SRGAP1: variants seen among roughly 807,000 people sequenced by gnomAD.
The protein encoded by SRGAP1 is SLIT-ROBO Rho GTPase-activating protein 1.
In SRGAP1, 43 loss-of-function variants were observed where a neutral mutation model predicts 121.9. The observed-to-expected ratio is 0.35, with a 90% CI of 0.28 to 0.46. SRGAP1 has a LOEUF of 0.46. SRGAP1 is among the 20% of genes least tolerant of loss of function. The probability of loss-of-function intolerance (pLI) is 1.00; values close to 1 mark genes in which losing one functional copy is unlikely to be tolerated. For missense variants in SRGAP1, 1,102 were observed against 1,350.9 expected (o/e 0.82, Z 2.89); for synonymous variants, 447 against 485.4 (o/e 0.92, Z 1.04).
intron 1 of SRGAP1, among the ~76,000 whole-genome samples, chr12:63,868,133 G>A (rs1218520239): frequency 7.5e-6 from 1 of 132,836 alleles, no homozygotes; most frequent in Non-Finnish European, 1.5e-5. Context: ...TCAGGCTGGA[G>A]TGCACTGGCA....
At chr12:63,945,271 T>G (rs570356124) in intron 1 of SRGAP1, among the ~76,000 whole-genome samples, 15 of 152,174 alleles carry the variant, frequency 9.9e-5, no homozygotes, top group South Asian at 6.2e-4. Context: ...CTGTTTGTTT[T>G]TTTTTTTTAA....
chr12:63,906,449 G>C (rs2030213689), intron 1 of SRGAP1, among the ~76,000 whole-genome samples: 1 of 151,964 alleles, frequency 6.6e-6, no homozygotes, highest in South Asian at 2.1e-4. Context: ...CGAGTAGCTG[G>C]GACTACAGGC....
intron 1 of SRGAP1, among the ~76,000 whole-genome samples, chr12:63,883,178 G>GT (rs1323459729): frequency 1.3e-5 from 2 of 152,186 alleles, no homozygotes; most frequent in Non-Finnish European, 2.9e-5. Context: ...AGTTTTCAAA[G>GT]TATCATGAAA....
chr12:63,886,762 C>T (rs751048907), intron 1 of SRGAP1, among the ~76,000 whole-genome samples: 1 of 151,222 alleles, frequency 6.6e-6, no homozygotes. Flanking sequence ...TGAGACACCA[C>T]GTCTGGCCAA....
intron 17 of SRGAP1, among the ~76,000 whole-genome samples, chr12:64,113,529 A>T (rs2036467859): frequency 6.6e-6 from 1 of 152,240 alleles, no homozygotes; most frequent in Admixed American, 6.5e-5. Flanking sequence ...GTATGAAGAA[A>T]AAATAATTGT....
At chr12:63,979,931 A>G (rs1232550366) in intron 1 of SRGAP1, among the ~76,000 whole-genome samples, 1 of 152,162 alleles carries the variant, frequency 6.6e-6, no homozygotes, top group Non-Finnish European at 1.5e-5. Context: ...CGCTTTCACC[A>G]CTTCCAGCTT....
intron 15 of SRGAP1, among the ~76,000 whole-genome samples, chr12:64,107,198 A>C (rs140170095): frequency 4.4e-4 from 67 of 152,302 alleles, no homozygotes; most frequent in African/African-American, 1.6e-3. Context: ...CAAAAGGGAA[A>C]ATAGAATGCC....
chr12:63,951,152 C>CTTTTT lies in SRGAP1; in HGVS notation c.68-32770_68-32766dup, dbSNP rs58637983. On this transcript the variant is annotated intron_variant, in intron 1 of 21. Coordinates refer to ENST00000355086, the MANE Select transcript of SRGAP1 (RefSeq NM_020762.4). ...GGGCTGGTCCATGCCATTTAGAACT[C>CTTTTT]TTTTTTTTTTTTTTTTTTTTTTTTT... 1.4e-3 allele frequency among the ~76,000 whole-genome samples: 63 copies of CTTTTT among 44,188 alleles called. 14 individuals carry two copies. Among genetic ancestry groups the CTTTTT allele is most frequent in the East Asian group, 6.9e-3 (7 of 1,020 alleles). The allele number at this position is 44,188 out of a possible 152,430, so 29.0% of individuals were successfully genotyped here. A position where few individuals can be genotyped will look rare whatever the true frequency, so the allele number is the denominator to read the frequency against.
chr12:64,142,000 A>C (rs10747998), intron 21 of SRGAP1, among the ~76,000 whole-genome samples: 63,905 of 151,806 alleles, frequency 0.42, 14,637 homozygotes, highest in East Asian at 0.64. Flanking sequence ...AAAGAAAAAA[A>C]TTTTTTTTTA....
At chr12:63,921,828 GC>G (rs981743773) in intron 1 of SRGAP1, among the ~76,000 whole-genome samples, 3 of 152,088 alleles carry the variant, frequency 2.0e-5, no homozygotes, top group African/African-American at 7.2e-5. Flanking sequence ...GATTTTATAG[GC>G]CTTTCTAAGA....
chr12:64,019,365 G>T (rs1032140150), intron 4 of SRGAP1, among the ~76,000 whole-genome samples: 1 of 152,146 alleles, frequency 6.6e-6, no homozygotes, highest in Non-Finnish European at 1.5e-5. Flanking sequence ...ACCAGGGTTG[G>T]AGTGACCCTA....
At chr12:63,848,221 G>C (rs557878924) in intron 1 of SRGAP1, among the ~76,000 whole-genome samples, 4 of 151,978 alleles carry the variant, frequency 2.6e-5, no homozygotes, top group Non-Finnish European at 5.9e-5. Context: ...GGCCAGGCTG[G>C]TCTCGAACTC....
At chr12:63,881,563 A>C (rs184703373) in intron 1 of SRGAP1, among the ~76,000 whole-genome samples, 29 of 152,286 alleles carry the variant, frequency 1.9e-4, no homozygotes, top group African/African-American at 6.5e-4. Context: ...CTTATCTGTA[A>C]AATGGAAGTA....
intron 4 of SRGAP1, among the ~76,000 whole-genome samples, chr12:64,027,711 A>G (rs756942625): frequency 7.3e-4 from 111 of 152,306 alleles, no homozygotes; most frequent in African/African-American, 2.5e-3. Context: ...GCAGTTTGCA[A>G]ACTCAAAAAG....
chr12:64,071,910 GT>G (rs1473084647), intron 8 of SRGAP1, among the ~76,000 whole-genome samples: 1 of 151,250 alleles, frequency 6.6e-6, no homozygotes, highest in South Asian at 2.1e-4. Flanking sequence ...AGCAAACATT[GT>G]TTTTTTCAAA....
At chr12:64,075,452 G>T (rs924097373) in intron 8 of SRGAP1, among the ~76,000 whole-genome samples, 2 of 152,206 alleles carry the variant, frequency 1.3e-5, no homozygotes, top group East Asian at 1.9e-4. Context: ...TCACAGTGCT[G>T]CAGGGATTTT....
chr12:63,906,958 A>C (rs1457067309), intron 1 of SRGAP1, among the ~76,000 whole-genome samples: 1 of 151,374 alleles, frequency 6.6e-6, no homozygotes, highest in Non-Finnish European at 1.5e-5. Flanking sequence ...TCTGTTTAGC[A>C]TTTTGAGGAA....
At chr12:63,972,613 G>C (rs994828350) in intron 1 of SRGAP1, among the ~76,000 whole-genome samples, 2 of 152,152 alleles carry the variant, frequency 1.3e-5, no homozygotes, top group Non-Finnish European at 2.9e-5. Context: ...TATGTGTTCT[G>C]TGGAAATTTA....
At chr12:64,058,635 A>T (rs941920771) in intron 6 of SRGAP1, among the ~76,000 whole-genome samples, 1 of 152,020 alleles carries the variant, frequency 6.6e-6, no homozygotes, top group Non-Finnish European at 1.5e-5. Context: ...GAAATCTTGT[A>T]TTGGTTTCTT....
Sources: allele counts gnomAD v4.1 joint callset (sites outside exome capture counted in the v4.1 genomes callset), GRCh38; gene constraint gnomAD v4.1.1; transcripts MANE v1.5; gene names NCBI Gene and HGNC (gene_info 2026-07-23, HGNC 2026-07-21).